IMMP2L: variants seen among roughly 807,000 people sequenced by gnomAD.
IMMP2L encodes inner mitochondrial membrane peptidase subunit 2.
In IMMP2L, 18 loss-of-function variants were observed where a neutral mutation model predicts 19.3. The observed-to-expected ratio is 0.93, with a 90% CI of 0.64 to 1.38. The LOEUF is 1.38. Among genes scored for constraint, IMMP2L ranks in the 40% most tolerant of loss-of-function variants. IMMP2L has a pLI of 0.00. For synonymous variants in IMMP2L, 76 were observed against 73.0 expected (o/e 1.04, Z -0.21); for missense variants, 233 against 218.2 (o/e 1.07, Z -0.43).
chr7:111,425,467 T>C lies in IMMP2L; in HGVS notation c.239+61771A>G, dbSNP rs370776268. Among the ~76,000 whole-genome samples the C allele has an allele frequency of 4.6e-5, 7 of 151,242 alleles. No homozygotes were observed. The East Asian group carries it at 5.8e-4, about 13-fold the overall frequency. ...GAACTCTAGTTAACAATACGCATGT[T>C]GAAAGTATTTAGGGGGAAGTGCCTA... On this transcript the variant is annotated intron_variant, in intron 3 of 5. Transcript: ENST00000405709.
At chr7:111,008,176 C>T (rs1335722011) in intron 3 of IMMP2L, among the ~76,000 whole-genome samples, 1 of 151,980 alleles carries the variant, frequency 6.6e-6, no homozygotes, top group Non-Finnish European at 1.5e-5. Context: ...CAATGTGAGC[C>T]CTCTGCCATG....
At chr7:111,410,385 G>C (rs748668342) in intron 3 of IMMP2L, among the ~76,000 whole-genome samples, 1 of 151,540 alleles carries the variant, frequency 6.6e-6, no homozygotes, top group African/African-American at 2.4e-5. Context: ...TGGGGAGAGA[G>C]ACCATTTAAA....
At chr7:111,557,020 G>C (rs1406668102) in intron 1 of IMMP2L, among the ~76,000 whole-genome samples, 1 of 151,960 alleles carries the variant, frequency 6.6e-6, no homozygotes, top group African/African-American at 2.4e-5. Context: ...AGAAACCTAG[G>C]AAGCATTCTA....
At chr7:110,699,758 T>G (rs1429639632) in intron 5 of IMMP2L, among the ~76,000 whole-genome samples, 1 of 70,844 alleles carries the variant, frequency 1.4e-5, no homozygotes, top group African/African-American at 5.7e-5. Context: ...ACTGAGACTC[T>G]ACCTCAAAAA....
At chr7:111,188,479 T>C (rs1385162755) in intron 3 of IMMP2L, among the ~76,000 whole-genome samples, 3 of 152,110 alleles carry the variant, frequency 2.0e-5, no homozygotes, top group Admixed American at 2.0e-4. Flanking sequence ...TAATCTCATA[T>C]ACGAGGGCTC....
chr7:110,829,603 CAA>C (rs1053261910), intron 5 of IMMP2L, among the ~76,000 whole-genome samples: 3 of 151,598 alleles, frequency 2.0e-5, no homozygotes, highest in African/African-American at 4.8e-5. Flanking sequence ...AACAAAAAAA[CAA>C]AAAAAGAGAG....
intron 5 of IMMP2L, among the ~76,000 whole-genome samples, chr7:110,817,153 G>T (rs1802597230): frequency 6.6e-6 from 1 of 152,032 alleles, no homozygotes; most frequent in South Asian, 2.1e-4. Context: ...ATTCAATTAG[G>T]AAAAGAGGAA....
At chr7:111,517,790 A>G (rs1001665513) in intron 2 of IMMP2L, among the ~76,000 whole-genome samples, 1 of 152,124 alleles carries the variant, frequency 6.6e-6, no homozygotes, top group Non-Finnish European at 1.5e-5. Flanking sequence ...TTTTTTAAAA[A>G]AAGAAGTACA....
At chr7:110,988,201 A>G (rs1310694518) in intron 3 of IMMP2L, among the ~76,000 whole-genome samples, 2 of 152,178 alleles carry the variant, frequency 1.3e-5, no homozygotes, top group South Asian at 2.1e-4. Context: ...TAGCTCAAAT[A>G]ACAGTCCAAA....
chr7:110,992,651 A>G (rs560057654), intron 3 of IMMP2L, among the ~76,000 whole-genome samples: 2 of 151,974 alleles, frequency 1.3e-5, no homozygotes, highest in South Asian at 2.1e-4. Context: ...ATATTATGAT[A>G]TAAGTCATAA....
chr7:110,979,064 T>C (rs556237882), intron 3 of IMMP2L, among the ~76,000 whole-genome samples: 1 of 152,230 alleles, frequency 6.6e-6, no homozygotes, highest in African/African-American at 2.4e-5. Flanking sequence ...TGACACTTGG[T>C]ATTACAGTTA....
chr7:110,869,573 C>G (rs1488426438), intron 5 of IMMP2L, among the ~76,000 whole-genome samples: 1 of 152,076 alleles, frequency 6.6e-6, no homozygotes, highest in Admixed American at 6.6e-5. Context: ...TTTCTTGAGG[C>G]ATGGCCTGGC....
intron 3 of IMMP2L, among the ~76,000 whole-genome samples, chr7:111,431,900 T>G (rs767529993): frequency 6.6e-6 from 1 of 151,792 alleles, no homozygotes; most frequent in African/African-American, 2.4e-5. Flanking sequence ...TTTTAAGATA[T>G]TTATACTTTT....
chr7:110,888,592 T>G (rs187344970), intron 4 of IMMP2L, among the ~76,000 whole-genome samples: 2 of 152,150 alleles, frequency 1.3e-5, no homozygotes, highest in Non-Finnish European at 2.9e-5. Context: ...GAAACCAAGA[T>G]TGAGTTTTAA....
At chr7:111,478,030 A>ATTT in intron 3 of IMMP2L, among the ~76,000 whole-genome samples, 1 of 152,090 alleles carries the variant, frequency 6.6e-6, no homozygotes, top group East Asian at 1.9e-4. Flanking sequence ...CATTGATTTT[A>ATTT]GAAAACTCTT....
At chr7:111,515,562 C>T (rs374384711) in intron 2 of IMMP2L, among the ~76,000 whole-genome samples, 4 of 152,204 alleles carry the variant, frequency 2.6e-5, no homozygotes, top group Admixed American at 6.5e-5. Flanking sequence ...AAATGTATTC[C>T]CCCTTATTGT....
At chr7:111,154,169 C>T (rs1166538965) in intron 3 of IMMP2L, among the ~76,000 whole-genome samples, 2 of 151,994 alleles carry the variant, frequency 1.3e-5, no homozygotes, top group Non-Finnish European at 2.9e-5. Context: ...TATTATACCA[C>T]ACTATTATAT....
At chr7:111,049,133 TTTC>T (rs1379604171) in intron 3 of IMMP2L, among the ~76,000 whole-genome samples, 1,795 of 9,712 alleles carry the variant, frequency 0.18, 106 homozygotes, top group African/African-American at 0.24. Context: ...TTTTTTTTTT[TTTC>T]TTTTTTTTTT....
At chr7:111,359,985 A>T (rs1829105427) in intron 3 of IMMP2L, among the ~76,000 whole-genome samples, 1 of 152,134 alleles carries the variant, frequency 6.6e-6, no homozygotes, top group Non-Finnish European at 1.5e-5. Flanking sequence ...ATTAATAATA[A>T]CCTATTTGAA....
Sources: allele counts gnomAD v4.1 joint callset (sites outside exome capture counted in the v4.1 genomes callset), GRCh38; gene constraint gnomAD v4.1.1; transcripts MANE v1.5; gene names NCBI Gene and HGNC (gene_info 2026-07-23, HGNC 2026-07-21).